SCAPER: variants seen among roughly 807,000 people sequenced by gnomAD.
SCAPER encodes the protein S phase cyclin A-associated protein in the endoplasmic reticulum.
Under a neutral mutation model 182.2 loss-of-function variants are expected in SCAPER, and 98 were observed. The observed-to-expected ratio is 0.54, with a 90% CI of 0.46 to 0.64. The LOEUF (loss-of-function observed/expected upper bound fraction) is 0.64. SCAPER is among the 30% of genes least tolerant of loss of function. The probability of loss-of-function intolerance (pLI) is 0.00; values close to 1 mark genes in which losing one functional copy is unlikely to be tolerated. For missense variants in SCAPER, 1,432 were observed against 1,690.0 expected, an observed-to-expected ratio of 0.85 and a Z score of 2.68; for synonymous variants, 605 against 564.6, an observed-to-expected ratio of 1.07 and a Z score of -1.01.
chr15:76,530,040 A>G (rs1167003123), intron 23 of SCAPER, among the ~76,000 whole-genome samples: 1 of 152,190 alleles, frequency 6.6e-6, no homozygotes, highest in Non-Finnish European at 1.5e-5. Flanking sequence ...GAAGGCAGCT[A>G]TTAGATTGAA....
chr15:76,464,778 A>C (rs2049467857), intron 25 of SCAPER, among the ~76,000 whole-genome samples: 1 of 152,176 alleles, frequency 6.6e-6, no homozygotes, highest in Non-Finnish European at 1.5e-5. Context: ...AGCAGGATTG[A>C]TGAATCATAT....
At chr15:76,499,894 T>C (rs779384235) in intron 24 of SCAPER, among the ~76,000 whole-genome samples, 2 of 152,184 alleles carry the variant, frequency 1.3e-5, no homozygotes, top group Admixed American at 6.5e-5. Flanking sequence ...TATGGCTTCT[T>C]AGAAGCCAAA....
intron 30 of SCAPER, among the ~76,000 whole-genome samples, chr15:76,352,116 G>A (rs571662380): frequency 9.9e-5 from 15 of 152,078 alleles, no homozygotes; most frequent in East Asian, 1.9e-4. Context: ...AATTGGTTTC[G>A]CTCAAACATC....
intron 15 of SCAPER, among the ~76,000 whole-genome samples, chr15:76,745,373 C>T (rs1036824455): frequency 1.3e-5 from 2 of 152,202 alleles, no homozygotes; most frequent in Admixed American, 1.3e-4. Flanking sequence ...GGCTTGAACC[C>T]GGGAGGCAGC....
chr15:76,365,660 A>ATT (rs34465105), intron 29 of SCAPER, among the ~76,000 whole-genome samples: 6 of 151,804 alleles, frequency 4.0e-5, no homozygotes, highest in South Asian at 2.1e-4. Context: ...TTTATTTTGG[A>ATT]TTTTTTTTGA....
chr15:76,748,457 T>C (rs117139089), intron 15 of SCAPER, among the ~76,000 whole-genome samples: 2,639 of 152,090 alleles, frequency 0.017, 36 homozygotes, highest in Non-Finnish European at 0.026. Context: ...TTGATAATTA[T>C]TTCTTAGCAC....
chr15:76,447,210 G>A (rs2048060100), intron 25 of SCAPER, among the ~76,000 whole-genome samples: 1 of 152,162 alleles, frequency 6.6e-6, no homozygotes, highest in South Asian at 2.1e-4. Context: ...GAGGTTCTTG[G>A]AGGGTGGTGC....
At chr15:76,896,334 G>A (rs2074434309) in intron 1 of SCAPER, among the ~76,000 whole-genome samples, 1 of 152,106 alleles carries the variant, frequency 6.6e-6, no homozygotes, top group Admixed American at 6.5e-5. Context: ...TCACACCACT[G>A]CACTCCAGAC....
intron 29 of SCAPER, among the ~76,000 whole-genome samples, chr15:76,362,700 T>C (rs1311857417): frequency 1.3e-5 from 2 of 151,516 alleles, no homozygotes; most frequent in Non-Finnish European, 2.9e-5. Context: ...TGTAAGCCAC[T>C]GCGCTCAGCC....
At chr15:76,888,218 G>C (rs556321299) in intron 1 of SCAPER, among the ~76,000 whole-genome samples, 3 of 152,278 alleles carry the variant, frequency 2.0e-5, no homozygotes, top group Admixed American at 2.0e-4. Context: ...CACAAAGATG[G>C]GGAGAAACCA....
intron 23 of SCAPER, among the ~76,000 whole-genome samples, chr15:76,548,559 G>A (rs1470488190): frequency 1.3e-5 from 2 of 152,174 alleles, no homozygotes; most frequent in African/African-American, 4.8e-5. Context: ...GGTAAACACT[G>A]CATCTGTAAG....
At chr15:76,745,638 G>A (rs937131474) in intron 15 of SCAPER, among the ~76,000 whole-genome samples, 1 of 152,132 alleles carries the variant, frequency 6.6e-6, no homozygotes, top group Non-Finnish European at 1.5e-5. Context: ...TGTAAAGATA[G>A]CCAGGAGTTG....
At chr15:76,787,384 T>C (rs995773929) in intron 8 of SCAPER, among the ~76,000 whole-genome samples, 3 of 152,172 alleles carry the variant, frequency 2.0e-5, no homozygotes, top group Non-Finnish European at 4.4e-5. Context: ...AAAGAATTTT[T>C]CTTTTATTTA....
At position 76,410,787 on chromosome 15, in the gene SCAPER, T is replaced by C. The variant is rs140084845; in HGVS notation, c.3312-6108A>G. Among the ~76,000 whole-genome samples, 78 of 152,130 alleles carry C rather than the reference T, an allele frequency of 5.1e-4. 1 individual carries two copies. The highest frequency in any genetic ancestry group is 1.7e-3 in the African/African-American group (69 of 41,530). ...GTTTAGAAGTGTTCTATTCTTGCTT[T>C]TTTTTTTTTCTGTTGTACTTCTCCT... On this transcript the variant is annotated intron_variant, in intron 26 of 31. Transcript: ENST00000563290.
At chr15:76,370,291 A>ATTTTTTTTTTTTTTTTTTTT (rs10524497) in intron 29 of SCAPER, among the ~76,000 whole-genome samples, 1 of 119,458 alleles carries the variant, frequency 8.4e-6, no homozygotes, top group Non-Finnish European at 1.7e-5. Context: ...TACCATTTCA[A>ATTTTTTTTTTTTTTTTTTTT]TTTTTTTTTT....
At chr15:76,385,474 T>A (rs1337898333) in intron 27 of SCAPER, among the ~76,000 whole-genome samples, 2 of 152,160 alleles carry the variant, frequency 1.3e-5, no homozygotes, top group East Asian at 1.9e-4. Flanking sequence ...TGTGAGAACA[T>A]CCCATTTTAG....
At chr15:76,637,893 T>C (rs1404975413) in intron 21 of SCAPER, among the ~76,000 whole-genome samples, 1 of 151,492 alleles carries the variant, frequency 6.6e-6, no homozygotes, top group Non-Finnish European at 1.5e-5. Flanking sequence ...TTAGACTGAG[T>C]GTCTTTTCAA....
At chr15:76,527,932 T>C (rs1187152856) in intron 23 of SCAPER, among the ~76,000 whole-genome samples, 1 of 152,206 alleles carries the variant, frequency 6.6e-6, no homozygotes, top group Non-Finnish European at 1.5e-5. Flanking sequence ...TCTGGAAACC[T>C]TGTCTTTCCC....
chr15:76,588,220 C>T lies in SCAPER; in HGVS notation c.2712-13936G>A, dbSNP rs368468739. Reference sequence around the variant, plus strand: ...TACAGGCGTGAGCCACCGCGCCCGGCCCTGTCTCTCTTATTTCTTAGGTAG... The same window carrying T: ...TACAGGCGTGAGCCACCGCGCCCGGTCCTGTCTCTCTTATTTCTTAGGTAG... On this transcript the variant is annotated intron_variant, in intron 22 of 31. Transcript: ENST00000563290. Among the ~76,000 whole-genome samples the T allele has an allele frequency of 1.8e-4, 28 of 152,312 alleles. 1 individual carries two copies. The East Asian group carries it at 2.5e-3, about 14-fold the overall frequency.
Sources: allele counts gnomAD v4.1 joint callset (sites outside exome capture counted in the v4.1 genomes callset), GRCh38; gene constraint gnomAD v4.1.1; transcripts MANE v1.5; gene names NCBI Gene and HGNC (gene_info 2026-07-23, HGNC 2026-07-21).